The following EDIL3 variants were observed in gnomAD, a reference collection of about 807,000 sequenced individuals.
EDIL3 encodes EGF-like repeat and discoidin I-like domain-containing protein 3.
A neutral mutation model predicts 67.4 loss-of-function variants in EDIL3; 37 were observed. The ratio of observed to expected loss-of-function variants is 0.55; its 90% CI spans 0.42 to 0.72. The LOEUF (loss-of-function observed/expected upper bound fraction) is 0.72. Ranked by LOEUF, EDIL3 falls within the 30% of genes least tolerant of loss-of-function variation. The probability of loss-of-function intolerance (pLI) is 0.00; values close to 1 mark genes in which losing one functional copy is unlikely to be tolerated. For synonymous variants in EDIL3, 195 were observed against 196.3 expected, an observed-to-expected ratio of 0.99 and a Z score of 0.05; for missense variants, 527 against 586.3, an observed-to-expected ratio of 0.90 and a Z score of 1.04.
rs150753352 is a variant in EDIL3 at position 84,320,120 on chromosome 5, T to A, written c.67+64188A>T. ...ACCTATGTAACAAACCTGCACATTG[T>A]GCAAATGTACACCAGAACTTAAAGT... is the stretch of plus-strand genomic sequence containing the variant. On this transcript the variant is annotated intron_variant, in intron 1 of 10. Coordinates refer to ENST00000296591, the MANE Select transcript of EDIL3 (RefSeq NM_005711.5). Among the ~76,000 whole-genome samples, 137 of 152,108 alleles carry A rather than the reference T, an allele frequency of 9.0e-4. 2 individuals carry two copies. The highest frequency in any genetic ancestry group is 8.2e-3 in the Admixed American group (126 of 15,276).
chr5:84,179,816 C>T (rs1402612998), intron 4 of EDIL3, among the ~76,000 whole-genome samples: 2 of 152,040 alleles, frequency 1.3e-5, no homozygotes, highest in Non-Finnish European at 2.9e-5. Context: ...TTATGTTCAC[C>T]CCTCCTTCTA....
At chr5:83,980,239 G>GT (rs202105530) in intron 9 of EDIL3, among the ~76,000 whole-genome samples, 12,032 of 146,770 alleles carry the variant, frequency 0.082, 642 homozygotes, top group African/African-American at 0.16. Context: ...TGAGGTGTGT[G>GT]TTTTTTTTTT....
At chr5:84,149,640 T>G (rs986321103) in intron 4 of EDIL3, among the ~76,000 whole-genome samples, 2 of 152,056 alleles carry the variant, frequency 1.3e-5, no homozygotes, top group African/African-American at 4.8e-5. Context: ...CCAATCAAGA[T>G]TAACACTCAA....
At chr5:84,050,322 G>A (rs1411682891) in intron 9 of EDIL3, among the ~76,000 whole-genome samples, 1 of 151,820 alleles carries the variant, frequency 6.6e-6, no homozygotes. Context: ...ATGTTAAAAT[G>A]AGATTTGAGG....
chr5:84,141,946 T>TATATACAC, intron 4 of EDIL3, among the ~76,000 whole-genome samples: 1 of 132,402 alleles, frequency 7.6e-6, no homozygotes, highest in African/African-American at 2.9e-5. Flanking sequence ...TATATATATA[T>TATATACAC]ACATAGATCT....
intron 1 of EDIL3, among the ~76,000 whole-genome samples, chr5:84,304,530 G>T (rs537056942): frequency 1.3e-5 from 2 of 152,256 alleles, no homozygotes; most frequent in African/African-American, 4.8e-5. Flanking sequence ...GTTGACACAA[G>T]AATTCTAGAG....
At chr5:84,076,919 C>T (rs1289969234) in intron 6 of EDIL3, among the ~76,000 whole-genome samples, 3 of 152,130 alleles carry the variant, frequency 2.0e-5, no homozygotes, top group African/African-American at 7.2e-5. Flanking sequence ...AAAGGCTTTT[C>T]CTGTAGACAA....
At chr5:84,003,129 T>C (rs1478298892) in intron 9 of EDIL3, among the ~76,000 whole-genome samples, 2 of 152,184 alleles carry the variant, frequency 1.3e-5, no homozygotes, top group Non-Finnish European at 2.9e-5. Context: ...GCAGCCACAC[T>C]ATAGAAAGGA....
At chr5:84,001,485 A>G (rs146431683) in intron 9 of EDIL3, among the ~76,000 whole-genome samples, 120 of 152,276 alleles carry the variant, frequency 7.9e-4, no homozygotes, top group African/African-American at 2.8e-3. Context: ...TTAAAAAAAA[A>G]TCAATGAAAC....
At chr5:84,192,136 A>C (rs996617552) in intron 3 of EDIL3, among the ~76,000 whole-genome samples, 1 of 151,778 alleles carries the variant, frequency 6.6e-6, no homozygotes, top group Non-Finnish European at 1.5e-5. Context: ...ATAAACACTT[A>C]ATAATTGCAA....
intron 6 of EDIL3, among the ~76,000 whole-genome samples, chr5:84,100,023 A>G (rs1262887319): frequency 6.6e-6 from 1 of 152,166 alleles, no homozygotes; most frequent in East Asian, 1.9e-4. Flanking sequence ...CGAAACCACA[A>G]TGATACCATC....
intron 9 of EDIL3, among the ~76,000 whole-genome samples, chr5:83,970,683 ATT>A (rs1491347490): frequency 3.6e-5 from 5 of 138,012 alleles, no homozygotes; most frequent in African/African-American, 1.3e-4. Context: ...ATATATATAT[ATT>A]TAAGAACATA....
intron 10 of EDIL3, among the ~76,000 whole-genome samples, chr5:83,957,887 C>T (rs1009850890): frequency 4.0e-5 from 6 of 151,538 alleles, no homozygotes; most frequent in African/African-American, 1.5e-4. Context: ...AATCTGCCAA[C>T]TGAATACACA....
chr5:84,093,419 C>T (rs1747202959), intron 6 of EDIL3, among the ~76,000 whole-genome samples: 1 of 152,038 alleles, frequency 6.6e-6, no homozygotes, highest in Non-Finnish European at 1.5e-5. Context: ...GGATTGTAGT[C>T]ACTTCTACCT....
At chr5:84,052,122 T>C (rs1381069037) in intron 9 of EDIL3, among the ~76,000 whole-genome samples, 1 of 152,260 alleles carries the variant, frequency 6.6e-6, no homozygotes, top group African/African-American at 2.4e-5. Context: ...CGGCAGAAAC[T>C]CTACAAGCCA....
chr5:84,256,212 T>C (rs1338278001), intron 1 of EDIL3, among the ~76,000 whole-genome samples: 2 of 152,120 alleles, frequency 1.3e-5, no homozygotes, highest in Non-Finnish European at 2.9e-5. Context: ...TCCATTTGTC[T>C]ATCAATTTGT....
chr5:84,235,561 C>T (rs1744663349), intron 2 of EDIL3, among the ~76,000 whole-genome samples: 1 of 151,934 alleles, frequency 6.6e-6, no homozygotes, highest in Admixed American at 6.6e-5. Flanking sequence ...TTCATGAGGA[C>T]AGGGCTGTAG....
chr5:84,343,473 A>G (rs901063728), intron 1 of EDIL3, among the ~76,000 whole-genome samples: 2 of 152,086 alleles, frequency 1.3e-5, no homozygotes, highest in Admixed American at 6.6e-5. Context: ...TTAGGGGAGA[A>G]ATAAATTTTC....
At chr5:84,211,814 T>C (rs937227685) in intron 3 of EDIL3, among the ~76,000 whole-genome samples, 3 of 152,088 alleles carry the variant, frequency 2.0e-5, no homozygotes, top group Non-Finnish European at 4.4e-5. Context: ...GCCACAGAGG[T>C]TGTGGAAACT....
Sources: allele counts gnomAD v4.1 joint callset (sites outside exome capture counted in the v4.1 genomes callset), GRCh38; gene constraint gnomAD v4.1.1; transcripts MANE v1.5; gene names NCBI Gene and HGNC (gene_info 2026-07-23, HGNC 2026-07-21).